The following PIK3CD variants were observed in gnomAD, a reference collection of about 807,000 sequenced individuals.
PIK3CD encodes the protein phosphatidylinositol 4,5-bisphosphate 3-kinase catalytic subunit delta isoform.
In PIK3CD, 20 loss-of-function variants were observed where a neutral mutation model predicts 122.9. The observed-to-expected ratio is 0.16, with a 90% CI of 0.11 to 0.24. The LOEUF (loss-of-function observed/expected upper bound fraction) is 0.24. Ranked by LOEUF, PIK3CD falls within the 10% of genes least tolerant of loss-of-function variation. The pLI is 1.00. For missense variants in PIK3CD, 787 were observed against 1,406.3 expected (o/e 0.56, Z 7.04); for synonymous variants, 596 against 593.4 (o/e 1.00, Z -0.06).
In PIK3CD at chr1:9,716,281, A is replaced by G. The variant is rs3934934; in HGVS notation, c.601-159A>G. ...GCAGGATAACCAAGTGGCGTGGGGCATTGGGCATCAGTTTGTTCATTCTTT... is the reference window on the plus strand; with the variant it reads ...GCAGGATAACCAAGTGGCGTGGGGCGTTGGGCATCAGTTTGTTCATTCTTT... On this transcript the variant is annotated intron_variant, in intron 5 of 23. Coordinates refer to ENST00000377346, the MANE Select transcript of PIK3CD (RefSeq NM_005026.5). 0.18 allele frequency: 148,852 copies of G among 822,628 alleles called. 21,706 individuals are homozygous for G. Among genetic ancestry groups the G allele is most frequent in the African/African-American group, 0.57 (33,790 of 59,368 alleles). 51.0% of individuals were successfully genotyped at this position (822,628 alleles called of 1,614,324 possible). A position where few individuals can be genotyped will look rare whatever the true frequency, so the allele number is the denominator to read the frequency against.
Position 9,715,493 on chromosome 1 carries a change from C to T in PIK3CD, c.142-48C>T. On this transcript the variant is annotated intron_variant, in intron 3 of 23. Transcript: ENST00000377346. This position sits in a 1 kb window ranked among gnomAD's most constrained non-coding sequence, Gnocchi z 4.1. ...CCACCCTCCCTCAGCCTCCCACCTCCCAGTGGCTGCCTTGGGTGGAGGGGC... is the reference window on the plus strand; with the variant it reads ...CCACCCTCCCTCAGCCTCCCACCTCTCAGTGGCTGCCTTGGGTGGAGGGGC... The T allele has an allele frequency of 6.4e-7, 1 of 1,555,072 alleles. No individual in the cohort carries two copies. Among genetic ancestry groups the T allele is most frequent in the Non-Finnish European group, 8.8e-7 (1 of 1,130,740 alleles).
At chr1:9,656,848 C>G (rs1644870639) in intron 1 of PIK3CD, among the ~76,000 whole-genome samples, 1 of 149,128 alleles carries the variant, frequency 6.7e-6, no homozygotes, top group Non-Finnish European at 1.5e-5. Flanking sequence ...GAGGCTGAGA[C>G]AGGAGAATTA....
At chr1:9,667,745 T>C (rs946958510) in intron 1 of PIK3CD, among the ~76,000 whole-genome samples, 8 of 150,700 alleles carry the variant, frequency 5.3e-5, no homozygotes, top group Non-Finnish European at 1.0e-4. Flanking sequence ...TTTTCTTTTT[T>C]TTTTTTTTTG....
At chr1:9,629,743 G>T in the PIK3CD span, among the ~76,000 whole-genome samples, 2 of 152,114 alleles carry the variant, frequency 1.3e-5, no homozygotes, top group African/African-American at 4.8e-5. Context: ...CAGGGTACTC[G>T]CCGGACTCCC....
Position 9,723,541 on chromosome 1 carries a change from T to C in PIK3CD, c.2594+249T>C, listed in dbSNP as rs539631522. 6.6e-6 allele frequency among the ~76,000 whole-genome samples: 1 copy of C among 152,316 alleles called. No homozygotes were observed. The highest frequency in any genetic ancestry group is 1.9e-4 in the East Asian group (1 of 5,186). On this transcript the variant is annotated intron_variant, in intron 20 of 23. Transcript: ENST00000377346. This position sits in a 1 kb window ranked among gnomAD's most constrained non-coding sequence, Gnocchi z 4.9. ...TAAAAAACAGCCATTTACGATTGGC[T>C]CACAGATCTGCAGCTGGGGCTGGGC...
chr1:9,645,217 A>G, the PIK3CD span, among the ~76,000 whole-genome samples: 1 of 151,252 alleles, frequency 6.6e-6, no homozygotes, highest in African/African-American at 2.4e-5. Flanking sequence ...ATGAGGTTTC[A>G]CCTGTTGGCC....
intron 1 of PIK3CD, chr1:9,672,689 G>A (rs931552558): frequency 6.6e-6 from 1 of 152,214 alleles, no homozygotes; most frequent in African/African-American, 2.4e-5. Context: ...GCCTCCCAAA[G>A]TGGTGAGATT....
rs1647893971 is a variant in PIK3CD, at chr1:9,718,355, A to G, written c.1021-339A>G. On this transcript the variant is annotated intron_variant, in intron 8 of 23. Transcript: ENST00000377346. The surrounding 1 kb of genome is among the most constrained non-coding windows in gnomAD (Gnocchi z 7.2). The stretch of plus-strand genomic sequence containing the variant: ...ACCCACATGGGCTCATAGGAATCTG[A>G]GAAGTCCAGGGAGCCCTAGGATGTT... 6.6e-6 allele frequency among the ~76,000 whole-genome samples: 1 copy of G among 152,064 alleles called. No homozygotes were observed. The highest frequency in any genetic ancestry group is 1.5e-5 in the Non-Finnish European group (1 of 67,986).
intron 1 of PIK3CD, among the ~76,000 whole-genome samples, chr1:9,661,558 T>C (rs1645008965): frequency 6.6e-6 from 1 of 151,996 alleles, no homozygotes; most frequent in African/African-American, 2.4e-5. Flanking sequence ...CTGGCTCATT[T>C]AAAACATTTT....
Position 9,722,494 on chromosome 1 carries a change from C to A in PIK3CD, c.2348-34C>A. The A allele has an allele frequency of 6.3e-7, 1 of 1,591,496 alleles. No individual in the cohort carries two copies. Among genetic ancestry groups the A allele is most frequent in the South Asian group, 1.1e-5 (1 of 90,650 alleles). On this transcript the variant is annotated intron_variant, in intron 18 of 23. Transcript: ENST00000377346. The surrounding 1 kb of genome is among the most constrained non-coding windows in gnomAD (Gnocchi z 7.6). ...CTGGAAGCAGAGAACCTACCAGAAA[C>A]TCACGCTTCTCCTCCCACCGGCCGG...
In PIK3CD at chr1:9,720,920, A is replaced by AGG; in HGVS notation, c.1689+12_1689+13dup. The AGG allele has an allele frequency of 6.3e-7, 1 of 1,576,192 alleles. No individual in the cohort carries two copies. Among genetic ancestry groups the AGG allele is most frequent in the Non-Finnish European group, 8.6e-7 (1 of 1,161,544 alleles). On this transcript the variant is annotated intron_variant, in intron 13 of 23. Coordinates refer to ENST00000377346, the MANE Select transcript of PIK3CD (RefSeq NM_005026.5). The surrounding 1 kb of genome is among the most constrained non-coding windows in gnomAD (Gnocchi z 9.0). ...GAGGATGTGGCCCAGGTGGGTGGGG[A>AGG]GGCGCACCTGGGGGCGGAGCTGGGG...
chr1:9,628,815 T>TGAAG, the PIK3CD span, among the ~76,000 whole-genome samples: 1 of 151,460 alleles, frequency 6.6e-6, no homozygotes, highest in Admixed American at 6.6e-5. Context: ...GAGTGGGTGG[T>TGAAG]GAAGGACAGA....
chr1:9,710,073 C>A lies in PIK3CD; in HGVS notation c.-32-351C>A. 3.0e-6 allele frequency: 1 copy of A among 335,226 alleles called. No individual in the cohort carries two copies. The highest frequency in any genetic ancestry group is 2.6e-5 in the South Asian group (1 of 38,920). The allele number at this position is 335,226 out of a possible 1,614,324, so 20.8% of individuals were successfully genotyped here. On this transcript the variant is annotated intron_variant, in intron 2 of 23. Transcript: ENST00000377346. The surrounding 1 kb of genome is among the most constrained non-coding windows in gnomAD (Gnocchi z 4.7). ...GCCTCTCAGGTCTCAGGGCACCTGA[C>A]CAGCTGTCCTGCCATCTCCCTTCTG...
Position 9,723,033 on chromosome 1 carries a change from T to G in PIK3CD, c.2427-92T>G. ...TGTGGGCAGCAGCATCTTCTGTGGCTTTTTGGGGCACCATGAGTTTCTGGG... is the reference window on the plus strand; with the variant it reads ...TGTGGGCAGCAGCATCTTCTGTGGCGTTTTGGGGCACCATGAGTTTCTGGG... On this transcript the variant is annotated intron_variant, in intron 19 of 23. Transcript: ENST00000377346. This position sits in a 1 kb window ranked among gnomAD's most constrained non-coding sequence, Gnocchi z 4.9. 7.6e-7 allele frequency: 1 copy of G among 1,314,840 alleles called. No homozygotes were observed. Among genetic ancestry groups the G allele is most frequent in the Non-Finnish European group, 1.1e-6 (1 of 911,548 alleles). 81.4% of individuals were successfully genotyped at this position (1,314,840 alleles called of 1,614,324 possible).
intron 2 of PIK3CD, among the ~76,000 whole-genome samples, chr1:9,702,606 C>G (rs1009472782): frequency 1.2e-4 from 16 of 137,650 alleles, no homozygotes; most frequent in African/African-American, 3.3e-4. Context: ...CTGCAAACTC[C>G]GCCTCCTGGG....
chr1:9,709,703 CA>C (rs943251692), intron 2 of PIK3CD, among the ~76,000 whole-genome samples: 19 of 144,102 alleles, frequency 1.3e-4, no homozygotes, highest in African/African-American at 1.8e-4. Context: ...GACCCTGTTT[CA>C]AAAAAAAAAA....
At chr1:9,699,434 C>T (rs948843684) in intron 2 of PIK3CD, among the ~76,000 whole-genome samples, 5 of 152,106 alleles carry the variant, frequency 3.3e-5, no homozygotes, top group Non-Finnish European at 7.4e-5. Context: ...CCGCCTCAGT[C>T]CTCTGCTTAA....
At position 9,687,104 on chromosome 1, in the gene PIK3CD, C is replaced by T. The variant is rs182908032; in HGVS notation, c.-137-4363C>T. On this transcript the variant is annotated intron_variant, in intron 1 of 23. Coordinates refer to ENST00000377346, the MANE Select transcript of PIK3CD (RefSeq NM_005026.5). ...GCCTGACACCCCCAATTTGAACCCC[C>T]AGCGGATCATTGGGTTCCATTGCTG... Among the ~76,000 whole-genome samples, 807 of 152,290 alleles carry T rather than the reference C, an allele frequency of 5.3e-3. 1 individual carries two copies. Among genetic ancestry groups the T allele is most frequent in the Non-Finnish European group, 7.6e-3 (514 of 68,018 alleles).
chr1:9,694,984 G>C (rs1570268463), intron 2 of PIK3CD, among the ~76,000 whole-genome samples: 1 of 151,910 alleles, frequency 6.6e-6, no homozygotes, highest in Admixed American at 6.6e-5. Flanking sequence ...GAGAGAGAGA[G>C]AGAGAGACAG....
Sources: gnomAD v4.1 joint callset for allele counts (sites outside exome capture counted in the v4.1 genomes callset) on GRCh38, gnomAD v4.1.1 for gene constraint, Gnocchi (gnomAD v3.1) non-coding constraint, MANE v1.5 for transcripts, NCBI Gene and HGNC (gene_info 2026-07-23, HGNC 2026-07-21) for gene names.